The following TRAPPC9 variants were observed in gnomAD, a reference collection of about 807,000 sequenced individuals.
The protein encoded by TRAPPC9 is IKK2 binding protein.
In TRAPPC9, 83 loss-of-function variants were observed where a neutral mutation model predicts 124.0. The observed-to-expected ratio is 0.67, with a 90% CI of 0.56 to 0.80. The LOEUF (loss-of-function observed/expected upper bound fraction) is 0.80, where lower values mean the gene tolerates loss of function less well. Ranked by LOEUF, TRAPPC9 falls within the 30% of genes least tolerant of loss-of-function variation. The pLI, the probability that TRAPPC9 is intolerant of heterozygous loss-of-function variation, is 0.00. For synonymous variants in TRAPPC9, 638 were observed against 617.5 expected, an observed-to-expected ratio of 1.03 and a Z score of -0.49; for missense variants, 1,302 against 1,508.3, an observed-to-expected ratio of 0.86 and a Z score of 2.27.
intron 17 of TRAPPC9, among the ~76,000 whole-genome samples, chr8:140,101,548 T>TG (rs1395931646): frequency 2.9e-5 from 4 of 140,216 alleles, no homozygotes; most frequent in Non-Finnish European, 6.2e-5. Context: ...TTTGTTTTTT[T>TG]TTTTTTTTTT....
chr8:140,033,841 C>G (rs938744057), intron 17 of TRAPPC9, among the ~76,000 whole-genome samples: 2 of 151,868 alleles, frequency 1.3e-5, no homozygotes, highest in Non-Finnish European at 2.9e-5. Flanking sequence ...GCCACCATAC[C>G]TTGTTAATTT....
chr8:140,118,415 A>C (rs750731988), intron 17 of TRAPPC9, among the ~76,000 whole-genome samples: 1 of 152,252 alleles, frequency 6.6e-6, no homozygotes, highest in Non-Finnish European at 1.5e-5. Flanking sequence ...TTCCGTTAGT[A>C]GTCAAAGGAT....
At position 140,350,775 on chromosome 8, in the gene TRAPPC9, C is replaced by T. The variant is rs190862327; in HGVS notation, c.1495+9275G>A. Among the ~76,000 whole-genome samples the T allele has an allele frequency of 2.3e-4, 35 of 152,074 alleles. No individual in the cohort carries two copies. In the East Asian group the frequency reaches 5.8e-3, roughly 25 times the overall value. On this transcript the variant is annotated intron_variant, in intron 9 of 22. Transcript: ENST00000438773. ...TTAAGGAAGCCAAAGGAACTGGAAC[C>T]GGGAGCAGACGAGAAAGTAAGGGAC...
chr8:140,321,199 C>G (rs2066585119), intron 9 of TRAPPC9, among the ~76,000 whole-genome samples: 2 of 152,338 alleles, frequency 1.3e-5, no homozygotes, highest in South Asian at 4.1e-4. Context: ...CAGAGCGCTC[C>G]AGGCAGTCTC....
At chr8:139,925,562 A>G (rs1328544344) in intron 19 of TRAPPC9, among the ~76,000 whole-genome samples, 1 of 152,076 alleles carries the variant, frequency 6.6e-6, no homozygotes, top group Non-Finnish European at 1.5e-5. Context: ...AGCCTGGGTA[A>G]CATAGTGAAA....
At chr8:140,400,067 C>T (rs182567884) in intron 6 of TRAPPC9, among the ~76,000 whole-genome samples, 40 of 152,302 alleles carry the variant, frequency 2.6e-4, no homozygotes, top group Admixed American at 1.5e-3. Context: ...CCATGTAAGA[C>T]GGGACTTACT....
chr8:139,731,881 C>T, intron 22 of TRAPPC9, 98 bp downstream of exon 22: 2 of 1,134,866 alleles, frequency 1.8e-6, no homozygotes, highest in African/African-American at 1.5e-5. Context: ...CTATCGTCTG[C>T]TGGACATATG....
At chr8:140,057,875 T>G (rs1475097578) in intron 17 of TRAPPC9, among the ~76,000 whole-genome samples, 1 of 152,230 alleles carries the variant, frequency 6.6e-6, no homozygotes, top group African/African-American at 2.4e-5. Flanking sequence ...AACTCATACA[T>G]GCAGTAGGTG....
At chr8:140,127,000 C>T (rs187811740) in intron 17 of TRAPPC9, among the ~76,000 whole-genome samples, 1 of 152,338 alleles carries the variant, frequency 6.6e-6, no homozygotes, top group Non-Finnish European at 1.5e-5. Flanking sequence ...GGGTCTGGAA[C>T]TGGAGTCTAC....
intron 17 of TRAPPC9, among the ~76,000 whole-genome samples, chr8:140,221,186 G>C (rs902439425): frequency 6.6e-6 from 1 of 152,222 alleles, no homozygotes. Context: ...AGAAACGGCA[G>C]GAGAGAGTCT....
chr8:139,893,569 G>C (rs895622668), intron 20 of TRAPPC9, among the ~76,000 whole-genome samples: 2 of 152,238 alleles, frequency 1.3e-5, no homozygotes, highest in African/African-American at 4.8e-5. Flanking sequence ...ACCAAAAGTA[G>C]CTCCATAAAC....
At chr8:140,193,781 G>A (rs1456653805) in intron 17 of TRAPPC9, among the ~76,000 whole-genome samples, 2 of 152,210 alleles carry the variant, frequency 1.3e-5, no homozygotes, top group Non-Finnish European at 2.9e-5. Context: ...CAAGCTGTGC[G>A]ATTGTGGACA....
At chr8:140,194,344 T>C (rs1488129606) in intron 17 of TRAPPC9, among the ~76,000 whole-genome samples, 5 of 151,612 alleles carry the variant, frequency 3.3e-5, no homozygotes, top group African/African-American at 9.7e-5. Flanking sequence ...TGATATAAAA[T>C]AGCACATCTG....
At chr8:140,358,502 C>T (rs940991471) in intron 9 of TRAPPC9, among the ~76,000 whole-genome samples, 35 of 152,212 alleles carry the variant, frequency 2.3e-4, no homozygotes, top group East Asian at 9.6e-4. Flanking sequence ...CTACCACATC[C>T]GGCCAGAATT....
chr8:140,266,838 C>T (rs893166328), intron 15 of TRAPPC9, among the ~76,000 whole-genome samples: 35 of 151,904 alleles, frequency 2.3e-4, no homozygotes, highest in African/African-American at 8.2e-4. Context: ...CCAGCCTGGG[C>T]GACAGAGCGA....
chr8:139,872,548 A>G (rs2131042262), intron 21 of TRAPPC9, among the ~76,000 whole-genome samples: 1 of 119,578 alleles, frequency 8.4e-6, no homozygotes, highest in South Asian at 3.5e-4. Context: ...GGATGGATGG[A>G]CGGATGGATG....
chr8:139,774,361 C>T (rs1821206827), intron 21 of TRAPPC9, among the ~76,000 whole-genome samples: 1 of 152,108 alleles, frequency 6.6e-6, no homozygotes, highest in African/African-American at 2.4e-5. Flanking sequence ...GTGGGCTGGC[C>T]AGCCTCAGGA....
intron 5 of TRAPPC9, among the ~76,000 whole-genome samples, chr8:140,413,110 C>T (rs1233089935): frequency 6.6e-6 from 1 of 152,278 alleles, no homozygotes; most frequent in East Asian, 1.9e-4. Context: ...CCACCCGGGT[C>T]GGGCACGGTG....
At chr8:140,089,700 C>G (rs1205319612) in intron 17 of TRAPPC9, among the ~76,000 whole-genome samples, 1 of 152,100 alleles carries the variant, frequency 6.6e-6, no homozygotes, top group Non-Finnish European at 1.5e-5. Flanking sequence ...ATTCCCAGAG[C>G]CAAGCAGAGG....
Sources: allele counts gnomAD v4.1 joint callset (sites outside exome capture counted in the v4.1 genomes callset), GRCh38; gene constraint gnomAD v4.1.1; transcripts MANE v1.5; gene names NCBI Gene and HGNC (gene_info 2026-07-23, HGNC 2026-07-21).